TLCD3A: variants seen among roughly 807,000 people sequenced by gnomAD.
TLCD3A encodes the protein TLC domain containing 3A.
Under a neutral mutation model 29.9 loss-of-function variants are expected in TLCD3A, and 17 were observed. The observed-to-expected ratio is 0.57, with a 90% CI of 0.39 to 0.85. The LOEUF (loss-of-function observed/expected upper bound fraction) is 0.85. TLCD3A is among the 40% of genes least tolerant of loss of function. TLCD3A has a pLI of 0.00. For missense variants in TLCD3A, 332 were observed against 350.8 expected (o/e 0.95, Z 0.43); for synonymous variants, 143 against 147.7 (o/e 0.97, Z 0.23).
At chr17:738,094 G>GTAT in intron 3 of TLCD3A, 47 bp downstream of exon 3, 3 of 428,594 alleles carry the variant, frequency 7.0e-6, no homozygotes, top group Non-Finnish European at 1.1e-5. Context: ...TGAGCTGGGT[G>GTAT]TCTTTTTTTT....
At chr17:740,468 C>A in intron 3 of TLCD3A, 37 bp from the exon 4 acceptor site, 1 of 1,514,504 alleles carries the variant, frequency 6.6e-7, no homozygotes, top group Non-Finnish European at 9.2e-7. Context: ...GTTTCTTAAC[C>A]TCCACTTACT....
At position 733,304 on chromosome 17, in the gene TLCD3A, CCTT is replaced by C. The variant is rs1319442661; in HGVS notation, c.206+128_206+130del. On this transcript the variant is annotated intron_variant, in intron 2 of 4. Coordinates refer to ENST00000308278, the MANE Select transcript of TLCD3A (RefSeq NM_024792.3). ...GGAAAAGCTGGCACCACAATGGGCT[CCTT>C]CTTCCTCTCCGGAGTCTTCGGGCAC... The C allele has an allele frequency of 4.4e-6, 4 of 900,982 alleles. No homozygotes were observed. The African/African-American group carries it at 5.3e-5, about 12-fold the overall frequency. 55.8% of individuals were successfully genotyped at this position (900,982 alleles called of 1,614,324 possible). A position where few individuals can be genotyped will look rare whatever the true frequency, so the allele number is the denominator to read the frequency against.
At chr17:736,594 C>T (rs1278147206) in intron 2 of TLCD3A, among the ~76,000 whole-genome samples, 13 of 152,186 alleles carry the variant, frequency 8.5e-5, no homozygotes, top group African/African-American at 2.2e-4. Flanking sequence ...TCTCCTGGTA[C>T]CTAACCGCTG....
chr17:734,009 C>A (rs553497969), intron 2 of TLCD3A, among the ~76,000 whole-genome samples: 1 of 152,164 alleles, frequency 6.6e-6, no homozygotes. Flanking sequence ...CTCTAGCCTG[C>A]GGTCTTACCT....
intron 2 of TLCD3A, among the ~76,000 whole-genome samples, chr17:735,810 GA>G (rs555128253): frequency 9.7e-4 from 135 of 138,820 alleles, no homozygotes; most frequent in African/African-American, 2.4e-3. Context: ...TACTTAAAAA[GA>G]AAAAAAAAAA....
Position 741,638 on chromosome 17 carries a change from T to C in TLCD3A, c.*68T>C, listed in dbSNP as rs1430148018. The C allele has an allele frequency of 7.6e-6, 12 of 1,570,586 alleles. No homozygotes were observed. In the African/African-American group the frequency reaches 1.1e-4, roughly 14 times the overall value. On this transcript the variant is annotated 3_prime_UTR_variant, in exon 5 of 5. Coordinates refer to ENST00000308278, the MANE Select transcript of TLCD3A (RefSeq NM_024792.3). ...TCCACTCAGCATTCCATGGACCAAA[T>C]TGTGCCCTGGGTAGCCTCAGACTTT...
At chr17:732,832 C>A in intron 1 of TLCD3A, 63 bp downstream of exon 1, 2 of 1,383,902 alleles carry the variant, frequency 1.4e-6, no homozygotes, top group Non-Finnish European at 1.9e-6. Flanking sequence ...CCCACCCGGC[C>A]GCGGGGCCCA....
intron 4 of TLCD3A, 81 bp from the exon 5 acceptor site, chr17:741,220 C>A: frequency 6.9e-7 from 1 of 1,445,042 alleles, no homozygotes; most frequent in Non-Finnish European, 9.6e-7. Context: ...GTGGCATTTA[C>A]TGTGGTGGGA....
Position 733,195 on chromosome 17 carries a change from C to G in TLCD3A, c.206+14C>G. On this transcript the variant is annotated intron_variant, in intron 2 of 4. Coordinates refer to ENST00000308278, the MANE Select transcript of TLCD3A (RefSeq NM_024792.3). ...GATCACCGGCAGGTAAGAGCCCGGG[C>G]CGGGGCCTTGTTGCAAATGTCACAT... is the stretch of plus-strand genomic sequence containing the variant. 1.3e-6 allele frequency: 2 copies of G among 1,531,118 alleles called. No individual in the cohort carries two copies. Among genetic ancestry groups the G allele is most frequent in the South Asian group, 1.2e-5 (1 of 81,938 alleles). 94.8% of individuals were successfully genotyped at this position (1,531,118 alleles called of 1,614,324 possible). A position where few individuals can be genotyped will look rare whatever the true frequency, so the allele number is the denominator to read the frequency against.
chr17:737,440 A>C (rs1974173959), intron 2 of TLCD3A, among the ~76,000 whole-genome samples: 1 of 152,056 alleles, frequency 6.6e-6, no homozygotes, highest in Non-Finnish European at 1.5e-5. Context: ...ACTGTTGAGC[A>C]GCTAAGGAGT....
rs959609235 is a variant in TLCD3A, at chr17:732,632, C to T, written c.-16C>T. 3.2e-6 allele frequency: 4 copies of T among 1,251,682 alleles called. No homozygotes were observed. In the African/African-American group the frequency reaches 4.7e-5, roughly 15 times the overall value. 77.5% of individuals were successfully genotyped at this position (1,251,682 alleles called of 1,614,324 possible). On this transcript the variant is annotated 5_prime_UTR_variant, in exon 1 of 5. Transcript: ENST00000308278. ...AGCCACGCGGCGCCAGCGAGGCGGC[C>T]GGACCCGCAGCCCCGATGCTGCTGA...
Position 741,826 on chromosome 17 carries a change from C to G in TLCD3A, c.*256C>G. On this transcript the variant is annotated 3_prime_UTR_variant, in exon 5 of 5. Transcript: ENST00000308278. ...TGGTTTTAATGCAAGCCCAAGGATC[C>G]TTCTTAAGGTCTTATCTCAAGAGCT... is the stretch of plus-strand genomic sequence containing the variant. 1.9e-6 allele frequency: 1 copy of G among 525,152 alleles called. No homozygotes were observed. The highest frequency in any genetic ancestry group is 3.4e-6 in the Non-Finnish European group (1 of 291,564). 32.5% of individuals were successfully genotyped at this position (525,152 alleles called of 1,614,324 possible). A position where few individuals can be genotyped will look rare whatever the true frequency, so the allele number is the denominator to read the frequency against.
Position 741,889 on chromosome 17 carries a change from G to T in TLCD3A, c.*319G>T. The T allele has an allele frequency of 2.5e-6, 1 of 399,864 alleles. No homozygotes were observed. The highest frequency in any genetic ancestry group is 4.6e-6 in the Non-Finnish European group (1 of 215,110). 24.8% of individuals were successfully genotyped at this position (399,864 alleles called of 1,614,324 possible). A position where few individuals can be genotyped will look rare whatever the true frequency, so the allele number is the denominator to read the frequency against. ...AGCATGGGGTGGGATCGGTGGACCAGGGTGGTAAGTGTCTGCACATCTGCC... is the reference window on the plus strand; with the variant it reads ...AGCATGGGGTGGGATCGGTGGACCATGGTGGTAAGTGTCTGCACATCTGCC... On this transcript the variant is annotated 3_prime_UTR_variant, in exon 5 of 5. Coordinates refer to ENST00000308278, the MANE Select transcript of TLCD3A (RefSeq NM_024792.3).
At chr17:738,954 ACAATATAAAAT>A (rs200452967) in intron 3 of TLCD3A, among the ~76,000 whole-genome samples, 5,341 of 152,292 alleles carry the variant, frequency 0.035, 147 homozygotes, top group Admixed American at 0.093. Flanking sequence ...CAAGATAAAA[ACAATATAAAAT>A]ACAAATATAA....
chr17:733,259 G>A, intron 2 of TLCD3A, 78 bp downstream of exon 2: 3 of 1,322,820 alleles, frequency 2.3e-6, no homozygotes, highest in Non-Finnish European at 3.0e-6. Context: ...CAGCACACGC[G>A]CTCAGAAAGC....
At chr17:735,381 C>T (rs1254486078) in intron 2 of TLCD3A, among the ~76,000 whole-genome samples, 1 of 152,168 alleles carries the variant, frequency 6.6e-6, no homozygotes, top group East Asian at 1.9e-4. Context: ...GGATTATCAT[C>T]TTCATTTTAC....
Position 739,710 on chromosome 17 carries a change from C to A in TLCD3A, c.409-795C>A, listed in dbSNP as rs917570143. On this transcript the variant is annotated intron_variant, in intron 3 of 4. Coordinates refer to ENST00000308278, the MANE Select transcript of TLCD3A (RefSeq NM_024792.3). ...TAGTCTTATGCTGTAGATGAAGAAA[C>A]TGGGGCTCTAAGAGTATTCTTATAT... 2.0e-5 allele frequency among the ~76,000 whole-genome samples: 3 copies of A among 152,190 alleles called. No individual in the cohort carries two copies. The South Asian group carries it at 6.2e-4, about 32-fold the overall frequency.
chr17:732,984 C>G, intron 1 of TLCD3A, 114 bp from the exon 2 acceptor site: 1 of 1,418,042 alleles, frequency 7.1e-7, no homozygotes, highest in Non-Finnish European at 9.6e-7. Flanking sequence ...CCTCCGGAGC[C>G]CGCTCCCCAC....
chr17:733,709 C>T (rs1597540847), intron 2 of TLCD3A, among the ~76,000 whole-genome samples: 1 of 152,242 alleles, frequency 6.6e-6, no homozygotes, highest in East Asian at 1.9e-4. Flanking sequence ...AGGAAATGTG[C>T]ACCTATCTGC....
Sources: allele counts gnomAD v4.1 joint callset (sites outside exome capture counted in the v4.1 genomes callset), GRCh38; gene constraint gnomAD v4.1.1; transcripts MANE v1.5; gene names NCBI Gene and HGNC (gene_info 2026-07-23, HGNC 2026-07-21).